The following TECRL variants were observed in gnomAD, a reference collection of about 807,000 sequenced individuals.
TECRL encodes the protein trans-2,3-enoyl-CoA reductase-like.
In TECRL, 63 loss-of-function variants were observed where a neutral mutation model predicts 52.8. The ratio of observed to expected loss-of-function variants is 1.19; its 90% confidence interval spans 0.97 to 1.47. The LOEUF (loss-of-function observed/expected upper bound fraction) is 1.47. TECRL is among the 40% of genes most tolerant of loss of function. The probability of loss-of-function intolerance (pLI) is 0.00; values close to 1 mark genes in which losing one functional copy is unlikely to be tolerated. For missense variants in TECRL, 482 were observed against 429.6 expected, an observed-to-expected ratio of 1.12 and a Z score of -1.08; for synonymous variants, 164 against 141.9, an observed-to-expected ratio of 1.16 and a Z score of -1.10.
intron 2 of TECRL, among the ~76,000 whole-genome samples, chr4:64,343,643 T>G (rs1273831354): frequency 1.3e-5 from 2 of 152,012 alleles, no homozygotes; most frequent in African/African-American, 4.8e-5. Context: ...TTTAATGCTT[T>G]AACAAAAATC....
Position 64,332,604 on chromosome 4 carries a change from A to G in TECRL, c.287-4048T>C, listed in dbSNP as rs376154535. Among the ~76,000 whole-genome samples, 12 of 152,320 alleles carry G rather than the reference A, an allele frequency of 7.9e-5. No homozygotes were observed. The South Asian group carries it at 1.9e-3, about 24-fold the overall frequency. On this transcript the variant is annotated intron_variant, in intron 2 of 11. Transcript: ENST00000381210. ...AACAATTCAGATAAAGTTTTCATAC[A>G]CAATTAAGAATAACTATGATTGATA...
In TECRL at chr4:64,314,074, C is replaced by T. The variant is rs1012473067; in HGVS notation, c.551+574G>A. Among the ~76,000 whole-genome samples the T allele has an allele frequency of 3.3e-5, 5 of 150,818 alleles. No homozygotes were observed. In the East Asian group the frequency reaches 5.9e-4, roughly 18 times the overall value. ...CTGAGGCAGGAGAATAGTGTGAACC[C>T]GGGAGGCGGAGCGTGCAGTGAGCCG... On this transcript the variant is annotated intron_variant, in intron 5 of 11. Transcript: ENST00000381210.
At chr4:64,347,499 A>G (rs1720071914) in intron 2 of TECRL, among the ~76,000 whole-genome samples, 1 of 152,194 alleles carries the variant, frequency 6.6e-6, no homozygotes, top group Non-Finnish European at 1.5e-5. Context: ...AAGACAGGCA[A>G]TTTATAAGGA....
In TECRL at chr4:64,279,747, T is replaced by C. The variant is rs1259382498; in HGVS notation, c.*325A>G. The C allele has an allele frequency of 2.7e-5, 23 of 859,698 alleles. No individual in the cohort carries two copies. The highest frequency in any genetic ancestry group is 6.8e-4 in the Admixed American group (2 of 2,944). The allele number at this position is 859,698 out of a possible 1,614,324, so 53.3% of individuals were successfully genotyped here. On this transcript the variant is annotated 3_prime_UTR_variant, in exon 12 of 12. Coordinates refer to ENST00000381210, the MANE Select transcript of TECRL (RefSeq NM_001010874.5). ...CTGTTCAGATCGCTTTTTCATTTGTTAATCAGATTTTTTTTTTTGCTGTGG... is the reference window on the plus strand; with the variant it reads ...CTGTTCAGATCGCTTTTTCATTTGTCAATCAGATTTTTTTTTTTGCTGTGG...
intron 8 of TECRL, among the ~76,000 whole-genome samples, chr4:64,298,083 T>A (rs1164766082): frequency 6.6e-6 from 1 of 151,170 alleles, no homozygotes; most frequent in Non-Finnish European, 1.5e-5. Context: ...CTATGTATAA[T>A]TAAAAGCACA....
At chr4:64,307,421 C>G (rs891371330) in intron 6 of TECRL, among the ~76,000 whole-genome samples, 6 of 152,102 alleles carry the variant, frequency 3.9e-5, no homozygotes, top group African/African-American at 1.4e-4. Flanking sequence ...GGAGGTCACA[C>G]TTGCATCCAC....
At chr4:64,312,920 C>T (rs983987682) in intron 5 of TECRL, among the ~76,000 whole-genome samples, 1 of 152,136 alleles carries the variant, frequency 6.6e-6, no homozygotes, top group Non-Finnish European at 1.5e-5. Flanking sequence ...TTATCCCAGC[C>T]GCTTTTAAAA....
intron 1 of TECRL, among the ~76,000 whole-genome samples, chr4:64,383,744 T>C (rs184684739): frequency 3.3e-5 from 5 of 152,270 alleles, no homozygotes; most frequent in Middle Eastern, 3.4e-3. Flanking sequence ...AGATTTCTTT[T>C]TCATTGAGAT....
At chr4:64,381,637 C>G (rs761665142) in intron 1 of TECRL, among the ~76,000 whole-genome samples, 1 of 151,878 alleles carries the variant, frequency 6.6e-6, no homozygotes, top group Non-Finnish European at 1.5e-5. Context: ...TTATCTGTAT[C>G]TATTACAGTA....
At chr4:64,345,439 C>G (rs1577908959) in intron 2 of TECRL, among the ~76,000 whole-genome samples, 1 of 150,660 alleles carries the variant, frequency 6.6e-6, no homozygotes, top group African/African-American at 2.4e-5. Context: ...TCTCAGCAAA[C>G]TATCACAACG....
chr4:64,294,324 A>G (rs1355977699), intron 8 of TECRL, among the ~76,000 whole-genome samples: 2 of 152,070 alleles, frequency 1.3e-5, no homozygotes. Flanking sequence ...CATTGGAGCA[A>G]TAAGTAATAG....
chr4:64,380,832 C>T (rs545482946), intron 1 of TECRL, among the ~76,000 whole-genome samples: 28 of 151,942 alleles, frequency 1.8e-4, no homozygotes, highest in Non-Finnish European at 3.4e-4. Flanking sequence ...AAGTGTGATG[C>T]CTCCAGCTTT....
intron 8 of TECRL, among the ~76,000 whole-genome samples, chr4:64,293,115 A>G (rs1008548702): frequency 5.3e-5 from 8 of 152,134 alleles, no homozygotes; most frequent in African/African-American, 1.9e-4. Context: ...AATCCATTCT[A>G]TTATCTAGAG....
rs1331118766 is a variant in TECRL, at chr4:64,328,535, C to T, written c.308G>A (p.Arg103Gln). 6.2e-6 allele frequency: 10 copies of T among 1,611,102 alleles called. No individual in the cohort carries two copies. In the East Asian group the frequency reaches 6.7e-5, roughly 11 times the overall value. Residue 103 changes from arginine to glutamine, a missense_variant, in exon 3 of 12, where the codon CGA (arginine) becomes CAA (glutamine). Transcript: ENST00000381210. ...ACCACATTCTAGCTGCAGACCAACT[C>T]GAGAAGGGTACCACTTTGGACCTAT... Reference protein sequence around the residue: ...HKACPKWYPSRVGLQLECGGP... With the variant: ...HKACPKWYPSQVGLQLECGGP...
intron 4 of TECRL, among the ~76,000 whole-genome samples, chr4:64,316,457 T>C (rs1717499934): frequency 6.6e-6 from 1 of 152,050 alleles, no homozygotes; most frequent in Admixed American, 6.6e-5. Context: ...TTTTGGACAA[T>C]GCATTTAAAA....
At chr4:64,298,896 G>C (rs1045433907) in intron 8 of TECRL, 2 of 151,158 alleles carry the variant, frequency 1.3e-5, no homozygotes, top group Non-Finnish European at 3.0e-5. Context: ...AACAGGGGTT[G>C]TAGTACGCTG....
intron 1 of TECRL, among the ~76,000 whole-genome samples, chr4:64,375,588 T>C (rs748115096): frequency 6.6e-6 from 1 of 151,880 alleles, no homozygotes; most frequent in Non-Finnish European, 1.5e-5. Flanking sequence ...AAAGAATGTA[T>C]AGCAATAGTA....
chr4:64,327,361 A>T (rs1379717891), intron 3 of TECRL, among the ~76,000 whole-genome samples: 2 of 152,148 alleles, frequency 1.3e-5, no homozygotes, highest in Non-Finnish European at 2.9e-5. Context: ...GAAATTTATC[A>T]GTCTCTTAAT....
intron 1 of TECRL, among the ~76,000 whole-genome samples, chr4:64,384,838 T>G (rs1723063396): frequency 6.6e-6 from 1 of 152,130 alleles, no homozygotes; most frequent in Non-Finnish European, 1.5e-5. Flanking sequence ...CCCTGGATAA[T>G]GTGCACAGAC....
Sources: allele counts gnomAD v4.1 joint callset (sites outside exome capture counted in the v4.1 genomes callset), GRCh38; gene constraint gnomAD v4.1.1; transcripts MANE v1.5; gene names NCBI Gene and HGNC (gene_info 2026-07-23, HGNC 2026-07-21).